Variants in TRAPPC9 observed in about 807,000 individuals in gnomAD.
TRAPPC9 encodes trafficking protein particle complex subunit 9, also known as IKK2 binding protein.
TRAPPC9 carries 83 observed loss-of-function variants against 124.0 expected under a neutral mutation model. The ratio of observed to expected loss-of-function variants is 0.67; its 90% CI spans 0.56 to 0.80. TRAPPC9 has a LOEUF of 0.80. Among genes scored for constraint, TRAPPC9 ranks in the 30% least tolerant of loss-of-function variants. The pLI is 0.00. For missense variants in TRAPPC9, 1,302 were observed against 1,508.3 expected (o/e 0.86, Z 2.27); for synonymous variants, 638 against 617.5 (o/e 1.03, Z -0.49).
At chr8:140,427,843 C>T (rs1044466325) in intron 4 of TRAPPC9, among the ~76,000 whole-genome samples, 6 of 152,152 alleles carry the variant, frequency 3.9e-5, no homozygotes, top group Non-Finnish European at 7.4e-5. Flanking sequence ...GCAATCTTGA[C>T]GCCACCATTA....
chr8:140,088,241 T>G (rs1844328721), intron 17 of TRAPPC9, among the ~76,000 whole-genome samples: 1 of 152,208 alleles, frequency 6.6e-6, no homozygotes, highest in South Asian at 2.1e-4. Context: ...AATGTCTTGT[T>G]CACAATTGTA....
intron 18 of TRAPPC9, among the ~76,000 whole-genome samples, chr8:139,991,605 G>C (rs1411704442): frequency 6.7e-6 from 1 of 148,650 alleles, no homozygotes; most frequent in Non-Finnish European, 1.5e-5. Context: ...TTTTTTTCTG[G>C]ACACATCTGT....
intron 9 of TRAPPC9, among the ~76,000 whole-genome samples, chr8:140,352,189 G>A (rs2067605451): frequency 6.6e-6 from 1 of 152,240 alleles, no homozygotes; most frequent in African/African-American, 2.4e-5. Context: ...CACCACAGCA[G>A]GGATGAGTAG....
chr8:140,421,324 T>C (rs2070197660), intron 5 of TRAPPC9, among the ~76,000 whole-genome samples: 1 of 152,196 alleles, frequency 6.6e-6, no homozygotes, highest in African/African-American at 2.4e-5. Flanking sequence ...ACTAATTACT[T>C]TAATGGAGCC....
At chr8:139,893,947 G>A (rs1212954910) in intron 20 of TRAPPC9, among the ~76,000 whole-genome samples, 4 of 152,182 alleles carry the variant, frequency 2.6e-5, no homozygotes, top group Non-Finnish European at 2.9e-5. Flanking sequence ...ACAGGGGCAC[G>A]GGGCAGATGC....
chr8:140,421,078 T>C (rs1303010549), intron 5 of TRAPPC9, among the ~76,000 whole-genome samples: 1 of 152,168 alleles, frequency 6.6e-6, no homozygotes, highest in Non-Finnish European at 1.5e-5. Context: ...CTCAATATAA[T>C]GGAAGGAAAC....
intron 17 of TRAPPC9, among the ~76,000 whole-genome samples, chr8:140,066,988 T>C (rs941525186): frequency 6.6e-6 from 1 of 152,198 alleles, no homozygotes; most frequent in Non-Finnish European, 1.5e-5. Flanking sequence ...AAAACATCTG[T>C]AAGGACAAGT....
At chr8:140,440,376 A>G (rs1457109842) in intron 2 of TRAPPC9, among the ~76,000 whole-genome samples, 2 of 152,000 alleles carry the variant, frequency 1.3e-5, no homozygotes, top group African/African-American at 4.8e-5. Context: ...GCGTGGTGGC[A>G]CGCGCCTGTA....
chr8:140,398,131 G>A lies in TRAPPC9; in HGVS notation c.1009-386C>T, dbSNP rs111617941. Among the ~76,000 whole-genome samples, 135 of 152,290 alleles carry A rather than the reference G, an allele frequency of 8.9e-4. 2 individuals carry two copies. Among genetic ancestry groups the A allele is most frequent in the African/African-American group, 3.2e-3 (132 of 41,552 alleles). On this transcript the variant is annotated intron_variant, in intron 6 of 22. Coordinates refer to ENST00000438773, the MANE Select transcript of TRAPPC9 (RefSeq NM_001160372.4). ...CCTGACTTGCTCCTCCTTGCCTTCT[G>A]CCATGATTGTGAGGCTTCCCCAGCC...
chr8:139,739,468 C>T (rs113852305), intron 21 of TRAPPC9, among the ~76,000 whole-genome samples: 8 of 152,336 alleles, frequency 5.3e-5, no homozygotes, highest in South Asian at 2.1e-4. Context: ...CTGGTCTCCT[C>T]GGCCCTACGA....
intron 9 of TRAPPC9, among the ~76,000 whole-genome samples, chr8:140,331,288 A>C (rs1355354192): frequency 6.6e-6 from 1 of 152,136 alleles, no homozygotes; most frequent in African/African-American, 2.4e-5. Flanking sequence ...ATGAAACTAG[A>C]CCTCTATGTG....
At chr8:139,739,266 T>C (rs1388300158) in intron 21 of TRAPPC9, among the ~76,000 whole-genome samples, 1 of 152,132 alleles carries the variant, frequency 6.6e-6, no homozygotes, top group African/African-American at 2.4e-5. Context: ...CCGGTGCCCA[T>C]GCAGTTGGGC....
chr8:140,275,545 A>G (rs531436964), intron 15 of TRAPPC9, 113 bp downstream of exon 15: 9 of 1,241,238 alleles, frequency 7.3e-6, no homozygotes, highest in South Asian at 2.5e-5. Context: ...ACTGACTTCA[A>G]CTGAATCCAC....
chr8:140,258,133 G>A (rs2064312552), intron 15 of TRAPPC9, among the ~76,000 whole-genome samples: 1 of 152,226 alleles, frequency 6.6e-6, no homozygotes, highest in South Asian at 2.1e-4. Flanking sequence ...AGGTCAGTCT[G>A]TCTTGGGTAC....
intron 16 of TRAPPC9, 94 bp from the exon 17 acceptor site, chr8:140,221,677 G>T: frequency 6.8e-7 from 1 of 1,479,012 alleles, no homozygotes. Flanking sequence ...TCGCTCTGTC[G>T]CACAAGCTGG....
At chr8:140,410,409 G>A (rs1391817259) in intron 5 of TRAPPC9, among the ~76,000 whole-genome samples, 4 of 152,008 alleles carry the variant, frequency 2.6e-5, no homozygotes, top group South Asian at 2.1e-4. Context: ...GGTGGCATGC[G>A]CCTGTAGTCC....
chr8:139,734,724 T>G (rs1818044944), intron 21 of TRAPPC9, among the ~76,000 whole-genome samples: 1 of 152,192 alleles, frequency 6.6e-6, no homozygotes, highest in Non-Finnish European at 1.5e-5. Context: ...AAGCTCACAA[T>G]CCAGTGGGAG....
At chr8:140,346,202 G>A (rs566026770) in intron 9 of TRAPPC9, among the ~76,000 whole-genome samples, 1 of 152,338 alleles carries the variant, frequency 6.6e-6, no homozygotes, top group South Asian at 2.1e-4. Context: ...ATCGGCTGGG[G>A]AGGGTGAGGG....
At chr8:139,979,562 C>T (rs1169329461) in intron 19 of TRAPPC9, among the ~76,000 whole-genome samples, 4 of 152,152 alleles carry the variant, frequency 2.6e-5, no homozygotes, top group South Asian at 2.1e-4. Context: ...AGGATGCTGG[C>T]GGGTGAGAGG....
Sources: gnomAD v4.1 joint callset for allele counts (sites outside exome capture counted in the v4.1 genomes callset) on GRCh38, gnomAD v4.1.1 for gene constraint, MANE v1.5 for transcripts, NCBI Gene and HGNC (gene_info 2026-07-23, HGNC 2026-07-21) for gene names.